Variants in ZFHX3 observed in about 807,000 individuals in gnomAD.
The protein encoded by ZFHX3 is zinc finger homeobox 3.
A neutral mutation model predicts 279.1 loss-of-function variants in ZFHX3; 42 were observed. The observed-to-expected ratio is 0.15, with a 90% CI of 0.12 to 0.19. The LOEUF (loss-of-function observed/expected upper bound fraction) is 0.19. Ranked by LOEUF, ZFHX3 falls within the 10% of genes least tolerant of loss-of-function variation. ZFHX3 has a pLI of 1.00. For synonymous variants in ZFHX3, 2,293 were observed against 1,957.8 expected (o/e 1.17, Z -4.52); for missense variants, 4,981 against 4,754.0 (o/e 1.05, Z -1.40).
At chr16:73,767,040 A>C (rs2053956230) in intron 1 of ZFHX3, among the ~76,000 whole-genome samples, 1 of 151,180 alleles carries the variant, frequency 6.6e-6, no homozygotes, top group Non-Finnish European at 1.5e-5. Context: ...GATGCAAGCA[A>C]TTCTCCTGCC....
At chr16:73,262,005 T>A (rs2013841310) in intron 4 of ZFHX3, among the ~76,000 whole-genome samples, 1 of 152,176 alleles carries the variant, frequency 6.6e-6, no homozygotes, top group Non-Finnish European at 1.5e-5. Context: ...AACTTCTCCA[T>A]CTGTAATACG....
At chr16:73,266,640 T>C (rs535713569) in intron 4 of ZFHX3, among the ~76,000 whole-genome samples, 47 of 152,192 alleles carry the variant, frequency 3.1e-4, no homozygotes, top group Non-Finnish European at 6.2e-4. Context: ...TCATCTTGAA[T>C]TGTAGCTTTC....
At chr16:73,747,445 T>G (rs1168981397) in intron 1 of ZFHX3, among the ~76,000 whole-genome samples, 3 of 152,154 alleles carry the variant, frequency 2.0e-5, no homozygotes, top group African/African-American at 7.2e-5. Context: ...CAGAAACATT[T>G]GCATCTGTCT....
chr16:72,809,321 C>T (rs1262486129), intron 7 of ZFHX3: 1 of 152,294 alleles, frequency 6.6e-6, no homozygotes, highest in East Asian at 1.9e-4. Context: ...ATGCTTCCCT[C>T]CCCACATCTC....
chr16:73,019,714 T>C lies in ZFHX3; in HGVS notation c.-50+28038A>G, dbSNP rs114382894. 5.4e-3 allele frequency among the ~76,000 whole-genome samples: 824 copies of C among 152,250 alleles called. 5 individuals carry two copies. The highest frequency in any genetic ancestry group is 0.019 in the African/African-American group (802 of 41,540). ...CGTCTCAGTCCAAACCCTGAGCCCGTTCCTAGAGAGCCTTCTCCGCTCTCT... is the reference window on the plus strand; with the variant it reads ...CGTCTCAGTCCAAACCCTGAGCCCGCTCCTAGAGAGCCTTCTCCGCTCTCT... On this transcript the variant is annotated intron_variant, in intron 1 of 9. Transcript: ENST00000268489.
At chr16:73,527,804 G>A (rs1250533684) in intron 2 of ZFHX3, among the ~76,000 whole-genome samples, 3 of 152,170 alleles carry the variant, frequency 2.0e-5, no homozygotes, top group Admixed American at 2.0e-4. Flanking sequence ...TCACGTGTGT[G>A]AACTTGGAAA....
rs1315576844 is a variant in ZFHX3 at position 72,794,927 on chromosome 16, G to A, written c.7755C>T (p.Ala2585=). The change falls in exon 9 of 10, where the codon GCC becomes GCT. Residue 2585 remains alanine (A), a synonymous_variant. Coordinates refer to ENST00000268489, the MANE Select transcript of ZFHX3 (RefSeq NM_006885.4). The surrounding 1 kb of genome is among the most constrained non-coding windows in gnomAD (Gnocchi z 4.2). ...GTATGGCCCCAGAGAGCAGCTGGCT[G>A]GCCAGGAGTGGGTTACTGGGATCAA... ...MLFDPSNPLL[A]SQLLSGAIPQ... The A allele has an allele frequency of 6.2e-7, 1 of 1,614,152 alleles. No individual in the cohort carries two copies. The highest frequency in any genetic ancestry group is 8.5e-7 in the Non-Finnish European group (1 of 1,180,028).
chr16:72,901,112 C>T (rs544823072), intron 3 of ZFHX3, among the ~76,000 whole-genome samples: 14 of 152,300 alleles, frequency 9.2e-5, no homozygotes, highest in African/African-American at 3.1e-4. Flanking sequence ...CTTCCTCTCC[C>T]CTTTCACACC....
chr16:73,003,528 C>G (rs1183746572), intron 1 of ZFHX3, among the ~76,000 whole-genome samples: 2 of 139,744 alleles, frequency 1.4e-5, no homozygotes, highest in Non-Finnish European at 1.5e-5. Context: ...CCCTCCCCAC[C>G]CCGCCCCATC....
intron 5 of ZFHX3, among the ~76,000 whole-genome samples, chr16:73,202,530 C>G (rs1054132611): frequency 1.3e-5 from 2 of 152,162 alleles, no homozygotes; most frequent in Non-Finnish European, 2.9e-5. Context: ...GGAAGATGTT[C>G]GGGCTGCTGG....
chr16:73,097,559 A>T (rs1012478458), intron 7 of ZFHX3, among the ~76,000 whole-genome samples: 11 of 152,210 alleles, frequency 7.2e-5, no homozygotes, highest in African/African-American at 2.7e-4. Context: ...TTGTGTTAAA[A>T]TATAGACAAC....
intron 2 of ZFHX3, among the ~76,000 whole-genome samples, chr16:73,484,713 T>C (rs963388243): frequency 6.6e-6 from 1 of 152,240 alleles, no homozygotes. Context: ...ACTTCCATTT[T>C]CCTATGTTTT....
At chr16:73,115,989 G>T (rs1450181670) in intron 7 of ZFHX3, among the ~76,000 whole-genome samples, 2 of 152,072 alleles carry the variant, frequency 1.3e-5, no homozygotes, top group Admixed American at 1.3e-4. Flanking sequence ...GCGTGGTGAT[G>T]CATGCCTGTA....
At chr16:73,699,389 G>A (rs1383363) in intron 1 of ZFHX3, among the ~76,000 whole-genome samples, 129,215 of 152,136 alleles carry the variant, frequency 0.85, 55,508 homozygotes, top group Non-Finnish European at 0.92. Context: ...TAAAAGACCA[G>A]TGTTTTGTGG....
At chr16:72,853,297 A>G (rs985687124) in intron 4 of ZFHX3, among the ~76,000 whole-genome samples, 7 of 152,252 alleles carry the variant, frequency 4.6e-5, no homozygotes, top group African/African-American at 1.7e-4. Context: ...CAAACACAAT[A>G]AGAAATCAAA....
intron 8 of ZFHX3, among the ~76,000 whole-genome samples, chr16:73,090,178 G>A (rs1249274458): frequency 6.6e-6 from 1 of 152,180 alleles, no homozygotes; most frequent in Non-Finnish European, 1.5e-5. Flanking sequence ...CAGATCCCTT[G>A]AGCTCAGGAG....
intron 5 of ZFHX3, among the ~76,000 whole-genome samples, chr16:73,192,841 T>C (rs777856388): frequency 6.6e-6 from 1 of 152,212 alleles, no homozygotes; most frequent in African/African-American, 2.4e-5. Flanking sequence ...TCCTTTTTCT[T>C]GTCTCCTTGG....
At chr16:73,272,550 GACTGTGCTAGAGTCTATGGACAC>G (rs1437399588) in intron 4 of ZFHX3, among the ~76,000 whole-genome samples, 2 of 152,240 alleles carry the variant, frequency 1.3e-5, no homozygotes, top group African/African-American at 4.8e-5. Flanking sequence ...TTGTACCAAG[GACTGTGCTAGAGTCTATGGACAC>G]AAAACAAATA....
At chr16:73,119,264 C>A (rs12149392) in intron 7 of ZFHX3, among the ~76,000 whole-genome samples, 67,585 of 151,732 alleles carry the variant, frequency 0.45, 16,702 homozygotes, top group Middle Eastern at 0.6. Context: ...CCACTATGCC[C>A]AGCTAAATTT....
Sources: gnomAD v4.1 joint callset for allele counts (sites outside exome capture counted in the v4.1 genomes callset) on GRCh38, gnomAD v4.1.1 for gene constraint, Gnocchi (gnomAD v3.1) non-coding constraint, MANE v1.5 for transcripts, NCBI Gene and HGNC (gene_info 2026-07-23, HGNC 2026-07-21) for gene names.